The following MECOM variants were observed in gnomAD, a reference collection of about 807,000 sequenced individuals.
MECOM encodes the protein MDS1 and EVI1 complex locus, also known as histone-lysine N-methyltransferase MECOM.
Under a neutral mutation model 116.3 loss-of-function variants are expected in MECOM, and 13 were observed. That is an observed-to-expected ratio of 0.11 (90% CI 0.07 to 0.18). The LOEUF is 0.18. MECOM is among the 10% of genes least tolerant of loss of function. The pLI, the probability that MECOM is intolerant of heterozygous loss-of-function variation, is 1.00. For missense variants in MECOM, 1,299 were observed against 1,509.0 expected, an observed-to-expected ratio of 0.86 and a Z score of 2.31; for synonymous variants, 528 against 535.2, an observed-to-expected ratio of 0.99 and a Z score of 0.19.
chr3:169,536,476 C>A (rs1759374089), intron 1 of MECOM, among the ~76,000 whole-genome samples: 1 of 150,160 alleles, frequency 6.7e-6, no homozygotes. Context: ...ATAGTACAAG[C>A]AGACCCTGAG....
At chr3:169,515,382 T>C (rs1221741949) in intron 1 of MECOM, among the ~76,000 whole-genome samples, 2 of 152,212 alleles carry the variant, frequency 1.3e-5, no homozygotes, top group Non-Finnish European at 1.5e-5. Context: ...TCATCATTTA[T>C]TGGTACAACG....
At position 169,611,632 on chromosome 3, in the gene MECOM, C is replaced by G. The variant is rs1560492969; in HGVS notation, c.37+51704G>C. Among the ~76,000 whole-genome samples, 1 of 152,212 alleles carries G rather than the reference C, an allele frequency of 6.6e-6. No individual in the cohort carries two copies. Among genetic ancestry groups the G allele is most frequent in the African/African-American group, 2.4e-5 (1 of 41,446 alleles). Reference sequence around the variant, plus strand: ...TCTGACTTAAAGAGCGTTCCTATAACAGCTAATAATCTCTGGACCTCAAAA... The same window carrying G: ...TCTGACTTAAAGAGCGTTCCTATAAGAGCTAATAATCTCTGGACCTCAAAA... On this transcript the variant is annotated intron_variant, in intron 1 of 16. Coordinates refer to ENST00000651503, the MANE Select transcript of MECOM (RefSeq NM_004991.4). The surrounding 1 kb of genome is among the most constrained non-coding windows in gnomAD (Gnocchi z 4.1).
chr3:169,477,103 GTGTATATATATATATATATATA>G (rs1359585048), intron 1 of MECOM: 3 of 56,286 alleles, frequency 5.3e-5, no homozygotes, highest in African/African-American at 2.6e-4. Flanking sequence ...GTGTGTGTGT[GTGTATATATATATATATATATA>G]TATATATATA....
chr3:169,247,845 A>T (rs1250926443), intron 2 of MECOM, among the ~76,000 whole-genome samples: 1 of 152,216 alleles, frequency 6.6e-6, no homozygotes, highest in Non-Finnish European at 1.5e-5. Context: ...GAATCTTTGG[A>T]CATTAAGACT....
chr3:169,526,870 C>T (rs189018903), intron 1 of MECOM, among the ~76,000 whole-genome samples: 2 of 151,986 alleles, frequency 1.3e-5, no homozygotes, highest in African/African-American at 4.8e-5. Context: ...TTGTGCCACT[C>T]CTCACACACT....
intron 1 of MECOM, among the ~76,000 whole-genome samples, chr3:169,382,185 C>T (rs531181255): frequency 6.6e-6 from 1 of 152,150 alleles, no homozygotes; most frequent in South Asian, 2.1e-4. Context: ...ACGCTAAAAT[C>T]GTTAAAGAAA....
intron 1 of MECOM, among the ~76,000 whole-genome samples, chr3:169,407,667 T>C (rs1476103199): frequency 1.3e-5 from 2 of 152,218 alleles, no homozygotes; most frequent in Non-Finnish European, 2.9e-5. Context: ...TCCAAAATAA[T>C]AACTTCTGAG....
At chr3:169,629,896 C>A in intron 1 of MECOM, among the ~76,000 whole-genome samples, 1 of 152,328 alleles carries the variant, frequency 6.6e-6, no homozygotes, top group South Asian at 2.1e-4. Context: ...GCAGCACAGG[C>A]TGCCCAGCCA....
At chr3:169,627,804 A>G (rs1771561348) in intron 1 of MECOM, among the ~76,000 whole-genome samples, 1 of 152,210 alleles carries the variant, frequency 6.6e-6, no homozygotes, top group Non-Finnish European at 1.5e-5. Context: ...GGCCTTTACC[A>G]TAAAGCACGT....
chr3:169,357,545 T>C (rs1478401484), intron 2 of MECOM, among the ~76,000 whole-genome samples: 2 of 151,824 alleles, frequency 1.3e-5, no homozygotes, highest in Non-Finnish European at 2.9e-5. Flanking sequence ...GTTCCCTTCT[T>C]CATAAGCACA....
At chr3:169,384,033 G>A (rs1732898411) in intron 1 of MECOM, among the ~76,000 whole-genome samples, 1 of 152,050 alleles carries the variant, frequency 6.6e-6, no homozygotes. Flanking sequence ...CCCTCAGTTT[G>A]GCAATCATAT....
At chr3:169,256,380 C>G (rs2149597222) in intron 2 of MECOM, among the ~76,000 whole-genome samples, 1 of 151,684 alleles carries the variant, frequency 6.6e-6, no homozygotes, top group East Asian at 1.9e-4. Flanking sequence ...TGGCCCTGCC[C>G]TCTAAATAAA....
chr3:169,257,699 A>G (rs992586013), intron 2 of MECOM, among the ~76,000 whole-genome samples: 1 of 152,226 alleles, frequency 6.6e-6, no homozygotes, highest in Non-Finnish European at 1.5e-5. Flanking sequence ...ATATAAGTTT[A>G]TCACCTTTTT....
chr3:169,471,065 A>G (rs1749147406), intron 1 of MECOM, among the ~76,000 whole-genome samples: 1 of 151,582 alleles, frequency 6.6e-6, no homozygotes, highest in Non-Finnish European at 1.5e-5. Flanking sequence ...CAACTTCCCC[A>G]ATACCCCCAT....
At chr3:169,433,999 T>C (rs1250717515) in intron 1 of MECOM, among the ~76,000 whole-genome samples, 2 of 152,172 alleles carry the variant, frequency 1.3e-5, no homozygotes, top group African/African-American at 4.8e-5. Context: ...GTGGCAGAAA[T>C]TGCCTCTTTA....
At chr3:169,485,284 T>C (rs1011629603) in intron 1 of MECOM, among the ~76,000 whole-genome samples, 1 of 152,138 alleles carries the variant, frequency 6.6e-6, no homozygotes, top group African/African-American at 2.4e-5. Flanking sequence ...GATGAACCAC[T>C]GCACCCAGCC....
chr3:169,450,746 T>C (rs778896304), intron 1 of MECOM, among the ~76,000 whole-genome samples: 11 of 152,136 alleles, frequency 7.2e-5, no homozygotes, highest in Non-Finnish European at 1.2e-4. Context: ...CCCTACTTCC[T>C]TACACGTACA....
At chr3:169,154,392 T>C (rs1029825607) in intron 2 of MECOM, among the ~76,000 whole-genome samples, 5 of 150,682 alleles carry the variant, frequency 3.3e-5, no homozygotes, top group Non-Finnish European at 7.4e-5. Context: ...CCATAATGCA[T>C]GACATCAAGT....
At chr3:169,487,847 T>C (rs1203570212) in intron 1 of MECOM, among the ~76,000 whole-genome samples, 1 of 151,980 alleles carries the variant, frequency 6.6e-6, no homozygotes, top group Non-Finnish European at 1.5e-5. Context: ...AAAAAATACA[T>C]ACCAAAAAAT....
Sources: allele counts gnomAD v4.1 joint callset (sites outside exome capture counted in the v4.1 genomes callset), GRCh38; gene constraint gnomAD v4.1.1; non-coding constraint Gnocchi (gnomAD v3.1); transcripts MANE v1.5; gene names NCBI Gene and HGNC (gene_info 2026-07-23, HGNC 2026-07-21).